The following FAM184B variants were observed in gnomAD, a reference collection of about 807,000 sequenced individuals.
The protein encoded by FAM184B is family with sequence similarity 184 member B.
A neutral mutation model predicts 135.9 loss-of-function variants in FAM184B; 111 were observed. The observed-to-expected ratio is 0.82, with a 90% CI of 0.70 to 0.96. The LOEUF is 0.96. FAM184B is among the 40% of genes least tolerant of loss of function. The pLI is 0.00. For missense variants in FAM184B, 1,375 were observed against 1,323.9 expected, an observed-to-expected ratio of 1.04 and a Z score of -0.60; for synonymous variants, 552 against 524.8, an observed-to-expected ratio of 1.05 and a Z score of -0.71.
At chr4:17,643,298 T>A (rs1369430881) in intron 12 of FAM184B, among the ~76,000 whole-genome samples, 1 of 152,024 alleles carries the variant, frequency 6.6e-6, no homozygotes, top group Non-Finnish European at 1.5e-5. Flanking sequence ...CCCCTTTCCT[T>A]TTTGACTCCT....
intron 10 of FAM184B, among the ~76,000 whole-genome samples, chr4:17,654,080 G>C (rs1244440180): frequency 6.6e-6 from 1 of 151,990 alleles, no homozygotes; most frequent in Non-Finnish European, 1.5e-5. Context: ...CCAATTCCTT[G>C]ATTTTTGGAT....
At chr4:17,730,597 TG>T (rs1448136640) in intron 1 of FAM184B, among the ~76,000 whole-genome samples, 22 of 151,614 alleles carry the variant, frequency 1.5e-4, no homozygotes, top group Non-Finnish European at 5.9e-5. Context: ...CAGAAGAGAG[TG>T]GGGGCCAATA....
chr4:17,767,294 A>C (rs1718721925), intron 1 of FAM184B, among the ~76,000 whole-genome samples: 1 of 152,240 alleles, frequency 6.6e-6, no homozygotes, highest in African/African-American at 2.4e-5. Context: ...AAGCGTGGCC[A>C]GAGTGGGCTC....
chr4:17,689,762 G>C (rs1407434846), intron 6 of FAM184B, among the ~76,000 whole-genome samples: 1 of 152,036 alleles, frequency 6.6e-6, no homozygotes, highest in Non-Finnish European at 1.5e-5. Context: ...AGATTATAGG[G>C]ATGAACCACT....
At chr4:17,666,994 C>T (rs75016549) in intron 7 of FAM184B, among the ~76,000 whole-genome samples, 2,366 of 151,712 alleles carry the variant, frequency 0.016, 61 homozygotes, top group African/African-American at 0.054. Context: ...GATTTCACTC[C>T]GTCACCCAGG....
Position 17,709,898 on chromosome 4 carries a change from T to G in FAM184B, c.142-254A>C, listed in dbSNP as rs1057414482. Among the ~76,000 whole-genome samples, 11 of 152,252 alleles carry G rather than the reference T, an allele frequency of 7.2e-5. No individual in the cohort carries two copies. The East Asian group carries it at 1.9e-3, about 27-fold the overall frequency. On this transcript the variant is annotated intron_variant, in intron 1 of 17. Coordinates refer to ENST00000265018, the MANE Select transcript of FAM184B (RefSeq NM_015688.2). ...CACAAAGGCCCCAGAGAGGGCAGCT[T>G]TGGCCGAATTCCGAAGGGGACCTCT... is the stretch of plus-strand genomic sequence containing the variant.
At chr4:17,663,064 T>C (rs903348632) in intron 8 of FAM184B, among the ~76,000 whole-genome samples, 2 of 152,190 alleles carry the variant, frequency 1.3e-5, no homozygotes, top group Admixed American at 6.5e-5. Flanking sequence ...GCCTCTTGAG[T>C]AGCTGGGACT....
intron 11 of FAM184B, among the ~76,000 whole-genome samples, chr4:17,651,392 GC>G (rs1217392282): frequency 6.6e-6 from 1 of 151,832 alleles, no homozygotes; most frequent in Non-Finnish European, 1.5e-5. Context: ...AGAAAAATTA[GC>G]CGGGCGTGGT....
chr4:17,712,781 C>G (rs1465475301), intron 1 of FAM184B, among the ~76,000 whole-genome samples: 1 of 151,974 alleles, frequency 6.6e-6, no homozygotes, highest in Non-Finnish European at 1.5e-5. Flanking sequence ...AAAAAAAAGT[C>G]AAAAACTAGA....
chr4:17,771,277 A>G (rs1464627975), intron 1 of FAM184B, among the ~76,000 whole-genome samples: 1 of 152,108 alleles, frequency 6.6e-6, no homozygotes, highest in Non-Finnish European at 1.5e-5. Flanking sequence ...AAAGGATAGG[A>G]GGAAGGCTGG....
chr4:17,705,228 T>G, intron 4 of FAM184B, 22 bp from the exon 5 acceptor site: 1 of 1,539,214 alleles, frequency 6.5e-7, no homozygotes, highest in Non-Finnish European at 8.8e-7. Flanking sequence ...AAAAGGACCT[T>G]GTAAAACCAC....
chr4:17,778,157 G>A (rs1718968832), intron 1 of FAM184B, among the ~76,000 whole-genome samples: 1 of 151,934 alleles, frequency 6.6e-6, no homozygotes. Context: ...CTGCTGGACA[G>A]TAAAAATAAA....
chr4:17,636,639 T>C lies in FAM184B; in HGVS notation c.2673A>G (p.Lys891=). Residue 891 remains lysine, a synonymous_variant, in exon 15 of 18, where the codon AAA becomes AAG. Transcript: ENST00000265018. ...ARLAALEAEL[K]DSGEKPGKGA... is the part of the protein sequence containing the mutation. ...CCTTCCCTGGCTTCTCTCCGGAATCTTTCAGTCTGTTCCAAGCAGGCATGC... is the reference window on the plus strand; with the variant it reads ...CCTTCCCTGGCTTCTCTCCGGAATCCTTCAGTCTGTTCCAAGCAGGCATGC... 2 of 1,548,540 alleles carry C rather than the reference T, an allele frequency of 1.3e-6. No individual in the cohort carries two copies. The highest frequency in any genetic ancestry group is 1.7e-6 in the Non-Finnish European group (2 of 1,146,160).
Position 17,664,660 on chromosome 4 carries a change from C to G in FAM184B, c.1597-1G>C. On this transcript the variant is annotated splice_acceptor_variant, in intron 7 of 17. Coordinates refer to ENST00000265018, the MANE Select transcript of FAM184B (RefSeq NM_015688.2). LOFTEE classifies it high-confidence loss of function. The stretch of plus-strand genomic sequence containing the variant: ...TTTCATCCAGCTTCAAGCATGGATC[C>G]TAAGGCCAAAAAAGAAAAAGAAAAA... The G allele has an allele frequency of 5.9e-6, 9 of 1,524,752 alleles. No individual in the cohort carries two copies. The highest frequency in any genetic ancestry group is 5.3e-6 in the Non-Finnish European group (6 of 1,136,440). 94.5% of individuals were successfully genotyped at this position (1,524,752 alleles called of 1,614,324 possible).
intron 1 of FAM184B, among the ~76,000 whole-genome samples, chr4:17,744,574 T>C (rs1718118327): frequency 6.6e-6 from 1 of 151,556 alleles, no homozygotes; most frequent in Non-Finnish European, 1.5e-5. Context: ...GCTCCTCCCA[T>C]GTAACAAGAA....
chr4:17,778,306 G>A (rs2109000618), intron 1 of FAM184B, among the ~76,000 whole-genome samples: 1 of 152,262 alleles, frequency 6.6e-6, no homozygotes, highest in South Asian at 2.1e-4. Flanking sequence ...TGTGGTGTGG[G>A]AAAATAACTG....
chr4:17,640,089 C>T (rs1212575705), intron 13 of FAM184B, among the ~76,000 whole-genome samples: 1 of 121,594 alleles, frequency 8.2e-6, no homozygotes, highest in African/African-American at 2.6e-5. Flanking sequence ...GCTTCAGCCT[C>T]CCAAAGTGCT....
intron 8 of FAM184B, among the ~76,000 whole-genome samples, chr4:17,662,524 G>A (rs1014517090): frequency 9.9e-5 from 15 of 152,108 alleles, no homozygotes; most frequent in South Asian, 6.2e-4. Context: ...TTTTAGTAGC[G>A]ATGAAGTTTC....
At chr4:17,695,342 T>C (rs185056970) in intron 5 of FAM184B, among the ~76,000 whole-genome samples, 1 of 151,972 alleles carries the variant, frequency 6.6e-6, no homozygotes, top group African/African-American at 2.4e-5. Flanking sequence ...TAAAAAAAAA[T>C]TTTTTTAGAG....
Sources: gnomAD v4.1 joint callset for allele counts (sites outside exome capture counted in the v4.1 genomes callset) on GRCh38, gnomAD v4.1.1 for gene constraint, MANE v1.5 for transcripts, NCBI Gene and HGNC (gene_info 2026-07-23, HGNC 2026-07-21) for gene names.